Variants in CDK19 observed in about 807,000 individuals in gnomAD.
The protein encoded by CDK19 is cyclin-dependent kinase 19.
CDK19 carries 20 observed loss-of-function variants against 68.3 expected under a neutral mutation model. The observed-to-expected ratio is 0.29, with a 90% confidence interval of 0.21 to 0.43. CDK19 has a LOEUF of 0.43. Ranked by LOEUF, CDK19 falls within the 20% of genes least tolerant of loss-of-function variation. The pLI is 1.00. For synonymous variants in CDK19, 221 were observed against 222.8 expected (o/e 0.99, Z 0.07); for missense variants, 339 against 623.5 (o/e 0.54, Z 4.86).
At chr6:110,681,439 T>C (rs1772010331) in intron 2 of CDK19, among the ~76,000 whole-genome samples, 1 of 152,268 alleles carries the variant, frequency 6.6e-6, no homozygotes, top group African/African-American at 2.4e-5. Context: ...CTATTTTTTC[T>C]ATTTTACAAG....
intron 1 of CDK19, among the ~76,000 whole-genome samples, chr6:110,746,487 A>G (rs556666961): frequency 6.6e-6 from 1 of 152,358 alleles, no homozygotes; most frequent in East Asian, 1.9e-4. Context: ...GTAAACAAGC[A>G]TAAATATAAA....
Position 110,614,580 on chromosome 6 carries a change from C to T in CDK19, c.1464G>A (p.Gln488=). 1 of 1,614,038 alleles carries T rather than the reference C, an allele frequency of 6.2e-7. No homozygotes were observed. The highest frequency in any genetic ancestry group is 1.1e-5 in the South Asian group (1 of 91,080). The change falls in exon 13 of 13, where the codon CAG becomes CAA. Residue 488 remains glutamine, a synonymous_variant. Transcript: ENST00000368911. The stretch of plus-strand genomic sequence containing the variant: ...GAGATGGGTGGTACTGTGAGCTCTG[C>T]TGAGACGAGGAAGAGTAGCCAAGTG... ...QSTLGYSSSS[Q]QSSQYHPSHQ...
intron 1 of CDK19, among the ~76,000 whole-genome samples, chr6:110,807,026 A>G (rs1256794857): frequency 1.3e-5 from 2 of 151,820 alleles, no homozygotes; most frequent in Non-Finnish European, 2.9e-5. Flanking sequence ...AGGGCCAAGC[A>G]TGATGGCTTA....
rs769553849 is a variant in CDK19 at position 110,815,241 on chromosome 6, TCGCGCGCG to T, written c.-113_-106del. ...GCTCCACTTCTCCAACAGCCGCCTC[TCGCGCGCG>T]CGCGCGCGCCGCCCGCCGCCCGCCG... On this transcript the variant is annotated 5_prime_UTR_variant, in exon 1 of 13. Coordinates refer to ENST00000368911, the MANE Select transcript of CDK19 (RefSeq NM_015076.5). The T allele has an allele frequency of 6.9e-4, 780 of 1,130,402 alleles. 5 individuals are homozygous for T. In the African/African-American group the frequency reaches 0.012, roughly 18 times the overall value. The allele number at this position is 1,130,402 out of a possible 1,614,324, so 70.0% of individuals were successfully genotyped here. A position where few individuals can be genotyped will look rare whatever the true frequency, so the allele number is the denominator to read the frequency against.
intron 12 of CDK19, among the ~76,000 whole-genome samples, chr6:110,617,671 AC>A (rs1424117779): frequency 1.6e-5 from 2 of 122,568 alleles, no homozygotes; most frequent in Non-Finnish European, 1.8e-5. Flanking sequence ...ATACACACAC[AC>A]ACACACACAC....
intron 9 of CDK19, among the ~76,000 whole-genome samples, 173 bp from the exon 10 acceptor site, chr6:110,623,085 A>G (rs1184972059): frequency 6.6e-6 from 1 of 152,234 alleles, no homozygotes; most frequent in Admixed American, 6.5e-5. Context: ...CATCAGCATT[A>G]AAGCCCTTAT....
At chr6:110,677,386 A>T (rs193170999) in intron 2 of CDK19, among the ~76,000 whole-genome samples, 1 of 151,708 alleles carries the variant, frequency 6.6e-6, no homozygotes, top group Non-Finnish European at 1.5e-5. Context: ...ACATGGTGAA[A>T]CCCCGTCTCT....
chr6:110,717,846 C>T (rs1407496317), intron 2 of CDK19, among the ~76,000 whole-genome samples: 5 of 152,162 alleles, frequency 3.3e-5, no homozygotes, highest in African/African-American at 1.2e-4. Context: ...GGATTACAGG[C>T]ATGTACCACC....
intron 12 of CDK19, among the ~76,000 whole-genome samples, chr6:110,616,042 C>A (rs1297778727): frequency 6.6e-6 from 1 of 152,042 alleles, no homozygotes; most frequent in South Asian, 2.1e-4. Context: ...TAGACCCCTG[C>A]CCACCAAAGT....
chr6:110,783,228 G>C (rs1403329799), intron 1 of CDK19, among the ~76,000 whole-genome samples: 1 of 152,204 alleles, frequency 6.6e-6, no homozygotes, highest in Non-Finnish European at 1.5e-5. Context: ...GACAAATATA[G>C]GGCAAGGACC....
intron 1 of CDK19, among the ~76,000 whole-genome samples, chr6:110,790,845 A>T (rs1322956987): frequency 6.6e-6 from 1 of 152,122 alleles, no homozygotes; most frequent in East Asian, 1.9e-4. Flanking sequence ...TAAACAAATA[A>T]AGGTACATGT....
chr6:110,784,270 TAAAAAGAACTCTTACAACAATAA>T (rs1781043655), intron 1 of CDK19, among the ~76,000 whole-genome samples: 1 of 148,308 alleles, frequency 6.7e-6, no homozygotes. Context: ...GTTAAGAATA[TAAAAAGAACTCTTACAACAATAA>T]AAATACAACC....
chr6:110,752,661 A>T (rs1377054733), intron 1 of CDK19, among the ~76,000 whole-genome samples: 3 of 152,236 alleles, frequency 2.0e-5, no homozygotes, highest in African/African-American at 7.2e-5. Context: ...ATTCCCTCGC[A>T]ACATGAAAAT....
rs1361374366 is a variant in CDK19, at chr6:110,746,204, G to A, written c.129-3C>T. 1 of 1,571,024 alleles carries A rather than the reference G, an allele frequency of 6.4e-7. No individual in the cohort carries two copies. Among genetic ancestry groups the A allele is most frequent in the Non-Finnish European group, 8.7e-7 (1 of 1,154,120 alleles). On this transcript the variant is annotated splice_region_variant and splice_polypyrimidine_tract_variant and intron_variant, in intron 1 of 12. Coordinates refer to ENST00000368911, the MANE Select transcript of CDK19 (RefSeq NM_015076.5). ...ATGCATATTCCTTTTCATCTTTTCT[G>A]CACATAAACAAAAAAACATCATTTT...
chr6:110,711,915 G>A (rs528617108), intron 2 of CDK19, among the ~76,000 whole-genome samples: 2 of 152,366 alleles, frequency 1.3e-5, no homozygotes, highest in South Asian at 4.1e-4. Context: ...GGAGGTTGTA[G>A]TGAGCAGAGG....
intron 2 of CDK19, among the ~76,000 whole-genome samples, chr6:110,732,724 C>T (rs1411089139): frequency 1.3e-5 from 2 of 152,020 alleles, no homozygotes; most frequent in Non-Finnish European, 2.9e-5. Flanking sequence ...AAGTGACCAG[C>T]TTGAATTTTG....
chr6:110,667,221 G>A lies in CDK19; in HGVS notation c.456+213C>T, dbSNP rs573326985. Reference sequence around the variant, plus strand: ...AATCACACTGATATTTTACAGCTATGCATAAATATAATGGAATGATACCCA... The same window carrying A: ...AATCACACTGATATTTTACAGCTATACATAAATATAATGGAATGATACCCA... On this transcript the variant is annotated intron_variant, in intron 4 of 12. Transcript: ENST00000368911. 5.3e-5 allele frequency among the ~76,000 whole-genome samples: 8 copies of A among 152,234 alleles called. No individual in the cohort carries two copies. The East Asian group carries it at 5.8e-4, about 11-fold the overall frequency.
At chr6:110,639,970 T>C (rs560243980) in intron 4 of CDK19, among the ~76,000 whole-genome samples, 5 of 152,160 alleles carry the variant, frequency 3.3e-5, no homozygotes, top group Non-Finnish European at 7.4e-5. Context: ...CCTAGGACTT[T>C]GGGAGACCGA....
intron 8 of CDK19, among the ~76,000 whole-genome samples, chr6:110,624,760 T>C (rs1436168752): frequency 6.6e-6 from 1 of 152,232 alleles, no homozygotes; most frequent in Non-Finnish European, 1.5e-5. Flanking sequence ...ATAATAGCTG[T>C]GGCATACAAG....
Sources: gnomAD v4.1 joint callset for allele counts (sites outside exome capture counted in the v4.1 genomes callset) on GRCh38, gnomAD v4.1.1 for gene constraint, MANE v1.5 for transcripts, NCBI Gene and HGNC (gene_info 2026-07-23, HGNC 2026-07-21) for gene names.